Variants in GALK2 observed in about 807,000 individuals in gnomAD.
The protein encoded by GALK2 is N-acetylgalactosamine kinase.
Under a neutral mutation model 52.4 loss-of-function variants are expected in GALK2, and 36 were observed. The ratio of observed to expected loss-of-function variants is 0.69; its 90% CI spans 0.53 to 0.91. The LOEUF is 0.91. Ranked by LOEUF, GALK2 falls within the 40% of genes least tolerant of loss-of-function variation. The pLI is 0.00. For missense variants in GALK2, 579 were observed against 559.1 expected (o/e 1.04, Z -0.36); for synonymous variants, 176 against 199.1 (o/e 0.88, Z 0.98).
intron 3 of GALK2, among the ~76,000 whole-genome samples, chr15:49,224,520 G>A (rs1282750156): frequency 6.6e-6 from 1 of 152,094 alleles, no homozygotes. Flanking sequence ...GAAAGATAGG[G>A]GTCCAGTTTC....
intron 1 of GALK2, chr15:49,178,671 TCC>T (rs2085718894): frequency 4.5e-6 from 1 of 219,962 alleles, no homozygotes; most frequent in South Asian, 7.8e-5. Flanking sequence ...GCAGGGACTC[TCC>T]GAAGAAAGTG....
chr15:49,248,580 G>A (rs1248816274), intron 5 of GALK2, among the ~76,000 whole-genome samples: 1 of 152,204 alleles, frequency 6.6e-6, no homozygotes. Context: ...GTGTTTAAAT[G>A]TGTTCTAAGT....
rs145186954 is a variant in GALK2 at position 49,225,497 on chromosome 15, A to G, written c.266+8184A>G. 313 of 259,622 alleles carry G rather than the reference A, an allele frequency of 1.2e-3. 2 individuals carry two copies. The highest frequency in any genetic ancestry group is 6.4e-3 in the African/African-American group (283 of 44,510). 16.1% of individuals were successfully genotyped at this position (259,622 alleles called of 1,614,324 possible). A position where few individuals can be genotyped will look rare whatever the true frequency, so the allele number is the denominator to read the frequency against. On this transcript the variant is annotated intron_variant, in intron 3 of 9. Coordinates refer to ENST00000560031, the MANE Select transcript of GALK2 (RefSeq NM_002044.4). ...GTTGCATGCTCCTTATGATAATCCA[A>G]TGCTTGATGATCTGAGGTAGAACAG...
intron 3 of GALK2, among the ~76,000 whole-genome samples, chr15:49,342,294 T>C (rs1474225201): frequency 6.6e-6 from 1 of 152,168 alleles, no homozygotes; most frequent in Non-Finnish European, 1.5e-5. Flanking sequence ...CCCTTTGTCT[T>C]TTTTTGACTG....
chr15:49,276,451 T>A (rs564060704), intron 5 of GALK2, among the ~76,000 whole-genome samples: 6 of 152,346 alleles, frequency 3.9e-5, no homozygotes, highest in Non-Finnish European at 7.3e-5. Context: ...CCAGTATGCT[T>A]CTTTTCTTTA....
intron 3 of GALK2, among the ~76,000 whole-genome samples, chr15:49,357,289 T>C (rs1567141095): frequency 6.6e-6 from 1 of 150,516 alleles, no homozygotes; most frequent in African/African-American, 2.5e-5. Context: ...AATTAGTGAA[T>C]CCAGGAGCTG....
chr15:49,277,409 C>G (rs1255750300), intron 5 of GALK2, among the ~76,000 whole-genome samples: 1 of 142,768 alleles, frequency 7.0e-6, no homozygotes, highest in Non-Finnish European at 1.5e-5. Flanking sequence ...ACCTCGTGAT[C>G]CGCCCGCCTC....
intron 5 of GALK2, among the ~76,000 whole-genome samples, chr15:49,262,121 T>C (rs1302993703): frequency 6.6e-6 from 1 of 152,046 alleles, no homozygotes; most frequent in Non-Finnish European, 1.5e-5. Context: ...TTCTATTGAT[T>C]GGAATATTTT....
rs904564388 is a variant in GALK2 at position 49,321,076 on chromosome 15, A to C, written c.1169+1271A>C. On this transcript the variant is annotated intron_variant, in intron 9 of 9. Coordinates refer to ENST00000560031, the MANE Select transcript of GALK2 (RefSeq NM_002044.4). ...GGGGAAAGAGAGAAATGACAATTAA[A>C]AATAATTTGAATGGTAGTGATAAGT... is the stretch of plus-strand genomic sequence containing the variant. Among the ~76,000 whole-genome samples, 9 of 152,322 alleles carry C rather than the reference A, an allele frequency of 5.9e-5. 1 individual carries two copies. Among genetic ancestry groups the C allele is most frequent in the African/African-American group, 2.2e-4 (9 of 41,566 alleles).
chr15:49,216,901 C>T (rs926270297), intron 2 of GALK2, among the ~76,000 whole-genome samples: 8 of 152,180 alleles, frequency 5.3e-5, no homozygotes, highest in Non-Finnish European at 1.2e-4. Context: ...CTTTCCTGTC[C>T]TCTTCAATTC....
chr15:49,170,836 A>G (rs1355130893), intron 1 of GALK2, among the ~76,000 whole-genome samples: 4 of 152,160 alleles, frequency 2.6e-5, no homozygotes, highest in Non-Finnish European at 5.9e-5. Context: ...CTGAACTGTC[A>G]CTTAGGGAAT....
rs927982621 is a variant in GALK2 at position 49,283,615 on chromosome 15, C to T, written c.653C>T (p.Pro218Leu). Residue 218 changes from proline to leucine, a missense_variant, in exon 7 of 10, where the codon CCA becomes CTA. Coordinates refer to ENST00000560031, the MANE Select transcript of GALK2 (RefSeq NM_002044.4). The part of the protein sequence containing the change: ...SPLRATDVKL[P>L]SGAVFVIANS... ...CTGAGGGCAACCGATGTAAAACTCC[C>T]AAGTGGAGCAGTGTTTGTGATTGCC... 10 of 1,613,892 alleles carry T rather than the reference C, an allele frequency of 6.2e-6. No homozygotes were observed. Among genetic ancestry groups the T allele is most frequent in the Non-Finnish European group, 8.5e-6 (10 of 1,179,834 alleles).
intron 1 of GALK2, among the ~76,000 whole-genome samples, chr15:49,180,931 C>A (rs1253474935): frequency 6.6e-6 from 1 of 152,116 alleles, no homozygotes; most frequent in African/African-American, 2.4e-5. Flanking sequence ...TCTGTGCTCC[C>A]AAAGGACTGT....
intron 9 of GALK2, among the ~76,000 whole-genome samples, chr15:49,324,638 G>A (rs1390099118): frequency 2.0e-5 from 3 of 152,114 alleles, no homozygotes; most frequent in East Asian, 1.9e-4. Context: ...AAGGCACGGT[G>A]TCTAACCTGG....
intron 5 of GALK2, among the ~76,000 whole-genome samples, chr15:49,260,007 T>C (rs2092021094): frequency 6.6e-6 from 1 of 151,276 alleles, no homozygotes; most frequent in Non-Finnish European, 1.5e-5. Context: ...TGGTTCCAAG[T>C]CTTTGCTATT....
At chr15:49,350,413 ATAATC>A (rs2042074833) in intron 3 of GALK2, among the ~76,000 whole-genome samples, 1 of 152,188 alleles carries the variant, frequency 6.6e-6, no homozygotes, top group Non-Finnish European at 1.5e-5. Context: ...TTTGCTCTAA[ATAATC>A]TATATTGCAT....
intron 1 of GALK2, among the ~76,000 whole-genome samples, chr15:49,198,081 A>T (rs578249160): frequency 1.3e-5 from 2 of 152,242 alleles, no homozygotes; most frequent in Admixed American, 1.3e-4. Flanking sequence ...CAACAGCATC[A>T]TTAAAATTAC....
At chr15:49,159,593 T>TA (rs2084581211) in intron 1 of GALK2, among the ~76,000 whole-genome samples, 1 of 146,776 alleles carries the variant, frequency 6.8e-6, no homozygotes, top group African/African-American at 2.5e-5. Context: ...AAAAAAAAAA[T>TA]AAAATAAAAT....
chr15:49,362,035 G>A (rs954998546), intron 3 of GALK2, among the ~76,000 whole-genome samples: 1 of 152,124 alleles, frequency 6.6e-6, no homozygotes, highest in African/African-American at 2.4e-5. Flanking sequence ...TGGGTTACGT[G>A]TATGTCTTCT....
Sources: allele counts gnomAD v4.1 joint callset (sites outside exome capture counted in the v4.1 genomes callset), GRCh38; gene constraint gnomAD v4.1.1; transcripts MANE v1.5; gene names NCBI Gene and HGNC (gene_info 2026-07-23, HGNC 2026-07-21).